Variants in NTNG1 observed in about 807,000 individuals in gnomAD.
The protein encoded by NTNG1 is netrin G1, also known as netrin-G1.
A neutral mutation model predicts 54.0 loss-of-function variants in NTNG1; 16 were observed. The ratio of observed to expected loss-of-function variants is 0.30; its 90% CI spans 0.20 to 0.45. NTNG1 has a LOEUF of 0.45. NTNG1 is among the 20% of genes least tolerant of loss of function. The pLI is 1.00. For synonymous variants in NTNG1, 255 were observed against 263.1 expected (o/e 0.97, Z 0.30); for missense variants, 530 against 678.7 (o/e 0.78, Z 2.43).
intron 2 of NTNG1, among the ~76,000 whole-genome samples, chr1:107,229,698 A>G (rs1232307272): frequency 6.6e-6 from 1 of 151,674 alleles, no homozygotes; most frequent in Non-Finnish European, 1.5e-5. Context: ...TTGCTATGCC[A>G]TGACAGTTTG....
At chr1:107,448,848 C>A (rs375459219) in intron 7 of NTNG1, among the ~76,000 whole-genome samples, 2 of 152,072 alleles carry the variant, frequency 1.3e-5, no homozygotes, top group East Asian at 1.9e-4. Flanking sequence ...TATTTGTTTT[C>A]TTTCATCCCT....
chr1:107,462,426 TC>T (rs1357318037), intron 7 of NTNG1, among the ~76,000 whole-genome samples: 4 of 152,204 alleles, frequency 2.6e-5, no homozygotes, highest in African/African-American at 9.6e-5. Flanking sequence ...TCTTAAAAGG[TC>T]TTTCCTTGTA....
intron 2 of NTNG1, among the ~76,000 whole-genome samples, chr1:107,268,198 T>C (rs930967193): frequency 2.6e-5 from 4 of 152,230 alleles, no homozygotes; most frequent in Non-Finnish European, 4.4e-5. Flanking sequence ...TCTCTACTTC[T>C]GTTTACAACA....
chr1:107,453,746 A>T (rs1021133067), intron 7 of NTNG1, among the ~76,000 whole-genome samples: 8 of 152,340 alleles, frequency 5.3e-5, no homozygotes, highest in African/African-American at 1.7e-4. Context: ...AACTAAATTT[A>T]AAATTATTTC....
intron 5 of NTNG1, among the ~76,000 whole-genome samples, chr1:107,419,841 C>T (rs1321648273): frequency 6.6e-6 from 1 of 151,980 alleles, no homozygotes; most frequent in Non-Finnish European, 1.5e-5. Flanking sequence ...GAAATCTAGA[C>T]TGTCCTAGAT....
At chr1:107,206,530 A>G (rs1248831097) in intron 2 of NTNG1, among the ~76,000 whole-genome samples, 1 of 152,046 alleles carries the variant, frequency 6.6e-6, no homozygotes, top group Non-Finnish European at 1.5e-5. Context: ...CATCTCTCAA[A>G]ATCTGCCATG....
intron 2 of NTNG1, among the ~76,000 whole-genome samples, chr1:107,300,206 G>T (rs867638471): frequency 1.2e-4 from 18 of 152,122 alleles, no homozygotes; most frequent in Admixed American, 2.0e-4. Flanking sequence ...CTAAGCAGAG[G>T]TTGCACACTG....
At chr1:107,266,344 G>A (rs576223993) in intron 2 of NTNG1, among the ~76,000 whole-genome samples, 1 of 152,286 alleles carries the variant, frequency 6.6e-6, no homozygotes, top group South Asian at 2.1e-4. Context: ...GGGCTGTACA[G>A]GAAGCAAGGC....
chr1:107,376,096 G>A (rs1671214301), intron 3 of NTNG1, among the ~76,000 whole-genome samples: 1 of 152,306 alleles, frequency 6.6e-6, no homozygotes, highest in Admixed American at 6.5e-5. Context: ...TACTCTTATT[G>A]ACTTATTTAA....
chr1:107,208,559 C>T (rs2101356684), intron 2 of NTNG1, among the ~76,000 whole-genome samples: 1 of 152,258 alleles, frequency 6.6e-6, no homozygotes, highest in African/African-American at 2.4e-5. Flanking sequence ...CCATGTCTCA[C>T]TGAGTTTCTA....
intron 7 of NTNG1, among the ~76,000 whole-genome samples, chr1:107,465,048 G>A (rs1178168341): frequency 2.0e-5 from 3 of 152,072 alleles, no homozygotes; most frequent in East Asian, 1.9e-4. Context: ...AGAAACAGAA[G>A]CACAAAGTTT....
intron 2 of NTNG1, among the ~76,000 whole-genome samples, chr1:107,271,348 T>C (rs945904919): frequency 6.6e-6 from 1 of 152,196 alleles, no homozygotes; most frequent in Non-Finnish European, 1.5e-5. Context: ...ACAAACCAGT[T>C]AGAAATCAAG....
chr1:107,329,772 C>A (rs375378859), intron 3 of NTNG1, among the ~76,000 whole-genome samples: 1 of 152,048 alleles, frequency 6.6e-6, no homozygotes, highest in Admixed American at 6.6e-5. Context: ...TTTCTGTCAT[C>A]CATAAATACT....
rs267597900 is a variant in NTNG1 at position 107,324,533 on chromosome 1, C to T, written c.498C>T (p.Leu166=). 8 of 1,613,710 alleles carry T rather than the reference C, an allele frequency of 5.0e-6. No homozygotes were observed. The highest frequency in any genetic ancestry group is 5.9e-6 in the Non-Finnish European group (7 of 1,179,848). The change falls in exon 3 of 8, where the codon CTC becomes CTT. Residue 166 remains leucine, a synonymous_variant. Transcript: ENST00000370068. The stretch of plus-strand genomic sequence containing the variant: ...ACCAAATGATCCTGGAGAAGTCTCT[C>T]GATTATGGACGAACATGGCAGCCCT... ...RPDQMILEKS[L]DYGRTWQPYQ...
chr1:107,176,003 A>T (rs1656617459), intron 2 of NTNG1, among the ~76,000 whole-genome samples: 1 of 152,152 alleles, frequency 6.6e-6, no homozygotes, highest in Non-Finnish European at 1.5e-5. Flanking sequence ...CTACTTATTG[A>T]GGGCCCACTG....
At chr1:107,237,254 G>A (rs1247221829) in intron 2 of NTNG1, among the ~76,000 whole-genome samples, 1 of 152,154 alleles carries the variant, frequency 6.6e-6, no homozygotes, top group African/African-American at 2.4e-5. Context: ...CTAGAGATTT[G>A]TGGAATTTTG....
In NTNG1 at chr1:107,341,540, A is replaced by C. The variant is rs142846064; in HGVS notation, c.887+16618A>C. Among the ~76,000 whole-genome samples, 1,024 of 152,178 alleles carry C rather than the reference A, an allele frequency of 6.7e-3. 12 individuals are homozygous for C. The highest frequency in any genetic ancestry group is 0.02 in the African/African-American group (836 of 41,558). The stretch of plus-strand genomic sequence containing the variant: ...ATACCCCATTTCCTCTGGGTTGCAG[A>C]TGCTCATTTATCCTCACCGATGATG... On this transcript the variant is annotated intron_variant, in intron 3 of 7. Transcript: ENST00000370068.
At chr1:107,477,381 T>G (rs1381214602) in intron 7 of NTNG1, among the ~76,000 whole-genome samples, 2 of 152,152 alleles carry the variant, frequency 1.3e-5, no homozygotes, top group Non-Finnish European at 2.9e-5. Flanking sequence ...TCAAACAGAG[T>G]CAAGGAAACA....
chr1:107,235,093 G>T (rs1023073136), intron 2 of NTNG1, among the ~76,000 whole-genome samples: 1 of 152,134 alleles, frequency 6.6e-6, no homozygotes, highest in Non-Finnish European at 1.5e-5. Flanking sequence ...GTTTTAAAAG[G>T]TTAGGTAATT....
Sources: allele counts gnomAD v4.1 joint callset (sites outside exome capture counted in the v4.1 genomes callset), GRCh38; gene constraint gnomAD v4.1.1; transcripts MANE v1.5; gene names NCBI Gene and HGNC (gene_info 2026-07-23, HGNC 2026-07-21).